RNF180: variants seen among roughly 807,000 people sequenced by gnomAD.
The protein encoded by RNF180 is E3 ubiquitin-protein ligase RNF180.
RNF180 carries 38 observed loss-of-function variants against 59.2 expected under a neutral mutation model. That is an observed-to-expected ratio of 0.64 (90% confidence interval 0.50 to 0.84). RNF180 has a LOEUF of 0.84. Among genes scored for constraint, RNF180 ranks in the 40% least tolerant of loss-of-function variants. The probability of loss-of-function intolerance (pLI) is 0.00; values close to 1 mark genes in which losing one functional copy is unlikely to be tolerated. For synonymous variants in RNF180, 262 were observed against 240.3 expected, an observed-to-expected ratio of 1.09 and a Z score of -0.84; for missense variants, 705 against 700.9, an observed-to-expected ratio of 1.01 and a Z score of -0.07.
intron 5 of RNF180, among the ~76,000 whole-genome samples, chr5:64,238,611 A>G (rs968544788): frequency 2.0e-5 from 3 of 152,268 alleles, no homozygotes; most frequent in Admixed American, 1.3e-4. Flanking sequence ...AAATTTTTAT[A>G]TACCTGTTGT....
At chr5:64,197,546 A>G (rs1433527061) in intron 1 of RNF180, among the ~76,000 whole-genome samples, 1 of 152,184 alleles carries the variant, frequency 6.6e-6, no homozygotes, top group Non-Finnish European at 1.5e-5. Flanking sequence ...ATTCTTTACC[A>G]CCATATAGAT....
chr5:64,206,612 A>G (rs1451705440), intron 2 of RNF180, among the ~76,000 whole-genome samples: 1 of 152,210 alleles, frequency 6.6e-6, no homozygotes, highest in African/African-American at 2.4e-5. Context: ...TACTAGTCTT[A>G]GCACATGCTA....
chr5:64,188,654 T>C (rs1036750196), intron 1 of RNF180, among the ~76,000 whole-genome samples: 3 of 152,224 alleles, frequency 2.0e-5, no homozygotes, highest in Admixed American at 2.0e-4. Context: ...GTCATTTCTC[T>C]TCTTGATTTT....
At chr5:64,261,813 A>G (rs1744356095) in intron 5 of RNF180, among the ~76,000 whole-genome samples, 1 of 152,186 alleles carries the variant, frequency 6.6e-6, no homozygotes, top group African/African-American at 2.4e-5. Context: ...GGAGTCATCC[A>G]CCATCACTTG....
Position 64,224,921 on chromosome 5 carries a change from AG to A in RNF180, c.1227+7527del, listed in dbSNP as rs576742272. 5.9e-5 allele frequency among the ~76,000 whole-genome samples: 9 copies of A among 152,264 alleles called. No individual in the cohort carries two copies. In the South Asian group the frequency reaches 1.7e-3, roughly 28 times the overall value. ...TTACCCTTCCACCTTCTGCCATGTG[AG>A]GATGCAGCAAGGAGGCCTTCACCAC... On this transcript the variant is annotated intron_variant, in intron 5 of 7. Coordinates refer to ENST00000389100, the MANE Select transcript of RNF180 (RefSeq NM_001113561.2).
At position 64,318,747 on chromosome 5, in the gene RNF180, C is replaced by A. The variant is rs139503942; in HGVS notation, c.1228-6439C>A. 5.3e-5 allele frequency among the ~76,000 whole-genome samples: 8 copies of A among 152,188 alleles called. No homozygotes were observed. In the East Asian group the frequency reaches 1.4e-3, roughly 26 times the overall value. ...CATACTGCTGGAACACAGCAATATA[C>A]CATCAGTTGAACAGACTCAGGAATT... On this transcript the variant is annotated intron_variant, in intron 5 of 7. Coordinates refer to ENST00000389100, the MANE Select transcript of RNF180 (RefSeq NM_001113561.2).
intron 5 of RNF180, among the ~76,000 whole-genome samples, chr5:64,225,410 A>C (rs1198272198): frequency 2.3e-5 from 2 of 85,334 alleles, no homozygotes; most frequent in African/African-American, 4.5e-5. Context: ...CTGGCCGCCC[A>C]TCGTCTGGGA....
At chr5:64,335,106 T>A (rs1365477249) in intron 7 of RNF180, among the ~76,000 whole-genome samples, 1 of 152,234 alleles carries the variant, frequency 6.6e-6, no homozygotes, top group Non-Finnish European at 1.5e-5. Context: ...TTACTGTGAT[T>A]ACTGATGGGG....
Position 64,214,174 on chromosome 5 carries a change from C to T in RNF180, c.848C>T (p.Pro283Leu), listed in dbSNP as rs528278463. The change falls in exon 4 of 8, where the codon CCA becomes CTA. Residue 283 changes from proline to leucine, a missense_variant. Transcript: ENST00000389100. ...AAAAATAGCTATTCCTTTCAGAATC[C>T]ATCCAGTTTTGATCCTAGTATGCTG... ...SSKNSYSFQNPSSFDPSMLLQ... is the reference protein window; with the variant it reads ...SSKNSYSFQNLSSFDPSMLLQ... 1.4e-5 allele frequency: 23 copies of T among 1,614,028 alleles called. No homozygotes were observed. In the East Asian group the frequency reaches 4.7e-4, roughly 33 times the overall value.
intron 7 of RNF180, among the ~76,000 whole-genome samples, chr5:64,332,960 G>A (rs1360455883): frequency 6.6e-6 from 1 of 152,126 alleles, no homozygotes; most frequent in Non-Finnish European, 1.5e-5. Context: ...GGAGATAGAA[G>A]CAGAGCCCCT....
At chr5:64,244,876 C>A (rs1283836859) in intron 5 of RNF180, among the ~76,000 whole-genome samples, 1 of 152,164 alleles carries the variant, frequency 6.6e-6, no homozygotes, top group African/African-American at 2.4e-5. Flanking sequence ...GCCCATGAGA[C>A]TAACAGTGGA....
At chr5:64,176,436 T>C (rs1429728714) in intron 1 of RNF180, among the ~76,000 whole-genome samples, 4 of 152,178 alleles carry the variant, frequency 2.6e-5, no homozygotes, top group Non-Finnish European at 4.4e-5. Context: ...TTGTTCTTTT[T>C]AGTCTCTTCT....
intron 5 of RNF180, among the ~76,000 whole-genome samples, chr5:64,288,431 G>T (rs986451380): frequency 6.6e-6 from 1 of 152,152 alleles, no homozygotes; most frequent in African/African-American, 2.4e-5. Flanking sequence ...TTCTAATTCA[G>T]TGAAGAATGC....
At chr5:64,333,745 C>A (rs1477274418) in intron 7 of RNF180, among the ~76,000 whole-genome samples, 2 of 152,104 alleles carry the variant, frequency 1.3e-5, no homozygotes, top group Non-Finnish European at 2.9e-5. Context: ...GTGATTTCTT[C>A]TTGTCTTCCC....
At chr5:64,317,391 T>C (rs1038495481) in intron 5 of RNF180, among the ~76,000 whole-genome samples, 2 of 152,032 alleles carry the variant, frequency 1.3e-5, no homozygotes, top group Non-Finnish European at 2.9e-5. Context: ...TACTGATAGA[T>C]ATTAAATGAG....
intron 5 of RNF180, among the ~76,000 whole-genome samples, chr5:64,256,673 T>C (rs974871893): frequency 6.6e-6 from 1 of 152,224 alleles, no homozygotes; most frequent in Non-Finnish European, 1.5e-5. Context: ...TAGGATTGAC[T>C]TGGCAATGTG....
intron 7 of RNF180, among the ~76,000 whole-genome samples, chr5:64,350,743 G>A (rs1745766928): frequency 6.6e-6 from 1 of 151,848 alleles, no homozygotes; most frequent in Non-Finnish European, 1.5e-5. Flanking sequence ...ATTTCTGAGG[G>A]CTCTGTTCTG....
chr5:64,186,695 G>A (rs750155357), intron 1 of RNF180, among the ~76,000 whole-genome samples: 22 of 151,794 alleles, frequency 1.4e-4, no homozygotes, highest in Admixed American at 1.1e-3. Flanking sequence ...AATATTATTG[G>A]GACCTTCATT....
chr5:64,348,113 T>C (rs1391373091), intron 7 of RNF180, among the ~76,000 whole-genome samples: 1 of 152,084 alleles, frequency 6.6e-6, no homozygotes, highest in Non-Finnish European at 1.5e-5. Flanking sequence ...TGCAAGGTTA[T>C]ATATAAATAA....
Sources: allele counts gnomAD v4.1 joint callset (sites outside exome capture counted in the v4.1 genomes callset), GRCh38; gene constraint gnomAD v4.1.1; transcripts MANE v1.5; gene names NCBI Gene and HGNC (gene_info 2026-07-23, HGNC 2026-07-21).